Variants in TAFA1 observed in about 807,000 individuals in gnomAD.
TAFA1 encodes chemokine-like protein TAFA-1.
Under a neutral mutation model 18.5 loss-of-function variants are expected in TAFA1, and 4 were observed. The observed-to-expected ratio is 0.22, with a 90% CI of 0.11 to 0.49. The LOEUF is 0.49. Ranked by LOEUF, TAFA1 falls within the 20% of genes least tolerant of loss-of-function variation. TAFA1 has a pLI of 0.98. For missense variants in TAFA1, 147 were observed against 169.0 expected (o/e 0.87, Z 0.72); for synonymous variants, 56 against 55.2 (o/e 1.01, Z -0.06).
intron 2 of TAFA1, among the ~76,000 whole-genome samples, chr3:68,348,968 T>C (rs1402094100): frequency 6.6e-6 from 1 of 151,836 alleles, no homozygotes; most frequent in Non-Finnish European, 1.5e-5. Flanking sequence ...GTAGAAGCTT[T>C]TTGCTTCTAA....
intron 3 of TAFA1, among the ~76,000 whole-genome samples, chr3:68,425,395 G>A (rs1028913167): frequency 2.0e-5 from 3 of 151,872 alleles, no homozygotes; most frequent in Non-Finnish European, 4.4e-5. Context: ...AATGCTGAAC[G>A]CATTTGACTT....
At chr3:68,071,827 G>A (rs566056061) in intron 2 of TAFA1, among the ~76,000 whole-genome samples, 18 of 152,178 alleles carry the variant, frequency 1.2e-4, no homozygotes, top group African/African-American at 4.3e-4. Flanking sequence ...GCGAGGAAGA[G>A]GCACATCATA....
intron 2 of TAFA1, among the ~76,000 whole-genome samples, chr3:68,345,801 T>A (rs1320713610): frequency 6.6e-6 from 1 of 152,226 alleles, no homozygotes; most frequent in Non-Finnish European, 1.5e-5. Flanking sequence ...ATTGAGAATT[T>A]ATACCATATT....
intron 2 of TAFA1, among the ~76,000 whole-genome samples, chr3:68,295,052 A>C (rs1021409181): frequency 2.0e-5 from 3 of 152,126 alleles, no homozygotes; most frequent in Non-Finnish European, 2.9e-5. Context: ...CTGTCTTTGC[A>C]CAATTCACTA....
intron 2 of TAFA1, among the ~76,000 whole-genome samples, chr3:68,248,234 G>C (rs989360785): frequency 6.6e-6 from 1 of 152,146 alleles, no homozygotes; most frequent in African/African-American, 2.4e-5. Flanking sequence ...TTATGCAGTG[G>C]CAATATTGCA....
intron 3 of TAFA1, among the ~76,000 whole-genome samples, chr3:68,533,819 G>A (rs976004271): frequency 2.6e-5 from 4 of 152,108 alleles, no homozygotes; most frequent in Non-Finnish European, 5.9e-5. Context: ...ATTTGTGTTT[G>A]TGTGACTCAG....
intron 2 of TAFA1, among the ~76,000 whole-genome samples, chr3:68,225,047 T>C (rs1379665889): frequency 6.6e-6 from 1 of 151,808 alleles, no homozygotes; most frequent in African/African-American, 2.4e-5. Context: ...TAGCTGGGAC[T>C]ACAGGTGCAC....
chr3:68,468,251 A>G (rs548931283), intron 3 of TAFA1, among the ~76,000 whole-genome samples: 15 of 152,318 alleles, frequency 9.8e-5, no homozygotes, highest in Admixed American at 3.9e-4. Context: ...TGTTATTCAC[A>G]CCATAATATT....
intron 2 of TAFA1, among the ~76,000 whole-genome samples, chr3:68,409,645 G>A (rs1262083131): frequency 1.3e-5 from 2 of 152,086 alleles, no homozygotes; most frequent in African/African-American, 4.8e-5. Flanking sequence ...CTTTATAGCA[G>A]TGTGAAAACA....
chr3:68,497,042 C>G (rs1256202537), intron 3 of TAFA1, among the ~76,000 whole-genome samples: 1 of 152,136 alleles, frequency 6.6e-6, no homozygotes, highest in African/African-American at 2.4e-5. Flanking sequence ...AAAATGGCCA[C>G]TTGGTACAGT....
At chr3:68,179,135 A>G (rs1203092692) in intron 2 of TAFA1, among the ~76,000 whole-genome samples, 1 of 152,218 alleles carries the variant, frequency 6.6e-6, no homozygotes, top group South Asian at 2.1e-4. Flanking sequence ...AACACACATC[A>G]TCATTCATAA....
intron 2 of TAFA1, among the ~76,000 whole-genome samples, chr3:68,115,608 C>T (rs1360506525): frequency 6.6e-6 from 1 of 152,122 alleles, no homozygotes; most frequent in African/African-American, 2.4e-5. Context: ...CTAAGGTGCT[C>T]CTTAGAGTGC....
intron 2 of TAFA1, 151 bp from the exon 3 acceptor site, chr3:68,417,129 A>T (rs558310038): frequency 4.8e-6 from 3 of 623,556 alleles, no homozygotes; most frequent in Non-Finnish European, 8.4e-6. Flanking sequence ...GATTACACGT[A>T]GTAGAAGAGA....
At chr3:68,370,715 A>C (rs1190374834) in intron 2 of TAFA1, among the ~76,000 whole-genome samples, 1 of 149,420 alleles carries the variant, frequency 6.7e-6, no homozygotes, top group African/African-American at 2.4e-5. Context: ...AAGAGCCACA[A>C]AAGTACTCCT....
At chr3:68,537,573 A>G (rs1157945719) in intron 3 of TAFA1, among the ~76,000 whole-genome samples, 1 of 152,054 alleles carries the variant, frequency 6.6e-6, no homozygotes, top group Non-Finnish European at 1.5e-5. Flanking sequence ...CTCTCAGTTA[A>G]TTTTTCCTAG....
intron 2 of TAFA1, among the ~76,000 whole-genome samples, chr3:68,227,442 G>A (rs1177653712): frequency 6.6e-6 from 1 of 152,164 alleles, no homozygotes; most frequent in East Asian, 1.9e-4. Context: ...ATGTGGGCTG[G>A]AATTCAGCCA....
At position 68,216,173 on chromosome 3, in the gene TAFA1, T is replaced by C. The variant is rs191372118; in HGVS notation, c.119-201107T>C. On this transcript the variant is annotated intron_variant, in intron 2 of 4. Coordinates refer to ENST00000478136, the MANE Select transcript of TAFA1 (RefSeq NM_213609.4). ...AAGTTCAGGAGGAGGCAAGGTTGAATAGGTGGAGCAGAGAAGATTTTTTTA... is the reference window on the plus strand; with the variant it reads ...AAGTTCAGGAGGAGGCAAGGTTGAACAGGTGGAGCAGAGAAGATTTTTTTA... Among the ~76,000 whole-genome samples the C allele has an allele frequency of 8.5e-5, 13 of 152,086 alleles. No homozygotes were observed. In the East Asian group the frequency reaches 2.1e-3, roughly 25 times the overall value.
intron 2 of TAFA1, among the ~76,000 whole-genome samples, chr3:68,218,761 A>G (rs370024996): frequency 2.8e-4 from 42 of 152,310 alleles, no homozygotes; most frequent in African/African-American, 9.9e-4. Context: ...TGATGAGATC[A>G]TTCCTTGCTA....
At chr3:68,443,029 G>A (rs903981839) in intron 3 of TAFA1, among the ~76,000 whole-genome samples, 1 of 152,224 alleles carries the variant, frequency 6.6e-6, no homozygotes, top group African/African-American at 2.4e-5. Flanking sequence ...CCTCTGTATC[G>A]TGGCTCTGTT....
Sources: gnomAD v4.1 joint callset for allele counts (sites outside exome capture counted in the v4.1 genomes callset) on GRCh38, gnomAD v4.1.1 for gene constraint, MANE v1.5 for transcripts, NCBI Gene and HGNC (gene_info 2026-07-23, HGNC 2026-07-21) for gene names.